TNR: variants seen among roughly 807,000 people sequenced by gnomAD.
TNR encodes the protein tenascin R, also known as tenascin-R.
Under a neutral mutation model 150.4 loss-of-function variants are expected in TNR, and 45 were observed. The observed-to-expected ratio is 0.30, with a 90% confidence interval of 0.24 to 0.38. TNR has a LOEUF of 0.38. Among genes scored for constraint, TNR ranks in the 10% least tolerant of loss-of-function variants. The pLI is 1.00. For synonymous variants in TNR, 687 were observed against 678.4 expected (o/e 1.01, Z -0.20); for missense variants, 1,544 against 1,759.1 (o/e 0.88, Z 2.19).
chr1:175,721,009 A>T (rs879692958), intron 1 of TNR, among the ~76,000 whole-genome samples: 2 of 152,210 alleles, frequency 1.3e-5, no homozygotes, highest in African/African-American at 4.8e-5. Flanking sequence ...GCAGAGCTAC[A>T]GTGAGGGCAT....
intron 2 of TNR, among the ~76,000 whole-genome samples, chr1:175,512,713 T>C (rs1214157786): frequency 6.6e-6 from 1 of 152,090 alleles, no homozygotes; most frequent in Non-Finnish European, 1.5e-5. Flanking sequence ...CAGAAGACAG[T>C]GTAGGTCATC....
intron 1 of TNR, among the ~76,000 whole-genome samples, chr1:175,699,263 G>A (rs924746135): frequency 2.6e-5 from 4 of 152,134 alleles, no homozygotes; most frequent in African/African-American, 9.7e-5. Context: ...GAAAGGGAGA[G>A]GAGTTGTTTG....
At chr1:175,704,562 A>T (rs993575730) in intron 1 of TNR, among the ~76,000 whole-genome samples, 4 of 152,114 alleles carry the variant, frequency 2.6e-5, no homozygotes, top group African/African-American at 7.2e-5. Flanking sequence ...TAATTCCCCC[A>T]CCTCCTCCTT....
intron 1 of TNR, among the ~76,000 whole-genome samples, chr1:175,585,768 C>T (rs1276167536): frequency 2.6e-5 from 4 of 152,168 alleles, no homozygotes; most frequent in African/African-American, 9.7e-5. Context: ...CCTTCCCTTC[C>T]TTCCTTCTCT....
intron 1 of TNR, among the ~76,000 whole-genome samples, chr1:175,666,617 A>G (rs945718750): frequency 6.6e-6 from 1 of 152,254 alleles, no homozygotes; most frequent in African/African-American, 2.4e-5. Context: ...TCCCACTGGC[A>G]GGACGAACGT....
At chr1:175,366,990 G>A (rs1247088241) in intron 10 of TNR, among the ~76,000 whole-genome samples, 2 of 152,190 alleles carry the variant, frequency 1.3e-5, no homozygotes, top group South Asian at 2.1e-4. Flanking sequence ...ACGGGGGACC[G>A]AGCACAGGTC....
intron 1 of TNR, among the ~76,000 whole-genome samples, chr1:175,724,121 T>C (rs1463193298): frequency 6.6e-6 from 1 of 152,190 alleles, no homozygotes; most frequent in Non-Finnish European, 1.5e-5. Flanking sequence ...GATGAGGGTT[T>C]GCGATCAGGA....
At chr1:175,484,857 T>C (rs982935124) in intron 2 of TNR, among the ~76,000 whole-genome samples, 5 of 152,176 alleles carry the variant, frequency 3.3e-5, no homozygotes, top group African/African-American at 9.7e-5. Flanking sequence ...TGTCCTTCGA[T>C]AGAGCTTCAG....
intron 1 of TNR, among the ~76,000 whole-genome samples, chr1:175,569,860 A>G (rs191561868): frequency 1.3e-5 from 2 of 152,200 alleles, no homozygotes; most frequent in Non-Finnish European, 2.9e-5. Context: ...GTCGTTTTCC[A>G]GGTTACCAAG....
intron 1 of TNR, among the ~76,000 whole-genome samples, chr1:175,695,219 C>G (rs917767417): frequency 6.6e-6 from 1 of 152,168 alleles, no homozygotes; most frequent in Admixed American, 6.5e-5. Context: ...AGCCAGCTGC[C>G]ACATCATGAG....
At chr1:175,517,063 G>GAGAGAGAGAGAGAA (rs1557981600) in intron 2 of TNR, among the ~76,000 whole-genome samples, 3 of 146,500 alleles carry the variant, frequency 2.0e-5, no homozygotes, top group African/African-American at 8.1e-5. Context: ...GAGAGAAAGA[G>GAGAGAGAGAGAGAA]AGAGAGACCT....
intron 1 of TNR, among the ~76,000 whole-genome samples, chr1:175,533,000 G>A (rs965947140): frequency 3.9e-5 from 6 of 152,196 alleles, no homozygotes; most frequent in Non-Finnish European, 7.3e-5. Context: ...CTGCAGAAGG[G>A]TATGAATGCC....
intron 22 of TNR, 52 bp downstream of exon 22, chr1:175,324,304 C>A: frequency 3.2e-6 from 5 of 1,573,724 alleles, no homozygotes; most frequent in Non-Finnish European, 4.3e-6. Flanking sequence ...GCTAAGGGAG[C>A]ACGGATTCCA....
intron 1 of TNR, among the ~76,000 whole-genome samples, chr1:175,541,205 A>G (rs1660489246): frequency 6.6e-6 from 1 of 152,070 alleles, no homozygotes; most frequent in East Asian, 1.9e-4. Flanking sequence ...TCGCAATAAC[A>G]TTTTCCAAGT....
At position 175,379,619 on chromosome 1, in the gene TNR, C is replaced by T. The variant is rs763935322; in HGVS notation, c.1896G>A (p.Ala632=). The change falls in exon 9 of 23, where the codon GCG becomes GCA. Residue 632 remains alanine, a synonymous_variant. Coordinates refer to ENST00000367674, the MANE Select transcript of TNR (RefSeq NM_003285.3). ...QEYKVVYSTL[A]GEQYHEVLVP... ...CCAGTACCTCATGATATTGCTCACC[C>T]GCCAGGGTGCTGTACACAACCTTGT... 17 of 1,614,160 alleles carry T rather than the reference C, an allele frequency of 1.1e-5. No individual in the cohort carries two copies. The highest frequency in any genetic ancestry group is 1.7e-5 in the Admixed American group (1 of 60,032).
In TNR at chr1:175,679,985, A is replaced by G. The variant is rs544706654; in HGVS notation, c.-165+63241T>C. The stretch of plus-strand genomic sequence containing the variant: ...CCTCGAGGGAAGACAGAGCTTCCCC[A>G]TGATCATGTAGCCTCCACCTAACTA... On this transcript the variant is annotated intron_variant, in intron 1 of 22. Coordinates refer to ENST00000367674, the MANE Select transcript of TNR (RefSeq NM_003285.3). Among the ~76,000 whole-genome samples the G allele has an allele frequency of 6.6e-5, 10 of 152,258 alleles. No individual in the cohort carries two copies. In the East Asian group the frequency reaches 1.2e-3, roughly 18 times the overall value.
chr1:175,373,390 C>T (rs372587847), intron 9 of TNR, among the ~76,000 whole-genome samples: 2 of 152,292 alleles, frequency 1.3e-5, no homozygotes, highest in African/African-American at 4.8e-5. Context: ...CACCAATCTA[C>T]TTTTTAGTTA....
At chr1:175,598,572 A>G (rs1362836289) in intron 1 of TNR, among the ~76,000 whole-genome samples, 2 of 152,238 alleles carry the variant, frequency 1.3e-5, no homozygotes, top group Non-Finnish European at 2.9e-5. Flanking sequence ...TGCTGTATAA[A>G]CAGAAGGCAT....
intron 1 of TNR, among the ~76,000 whole-genome samples, chr1:175,549,661 C>G (rs1558000695): frequency 6.6e-6 from 1 of 152,106 alleles, no homozygotes; most frequent in Non-Finnish European, 1.5e-5. Flanking sequence ...GAGAGGGAAG[C>G]ATGAAAGAAA....
Sources: gnomAD v4.1 joint callset for allele counts (sites outside exome capture counted in the v4.1 genomes callset) on GRCh38, gnomAD v4.1.1 for gene constraint, MANE v1.5 for transcripts, NCBI Gene and HGNC (gene_info 2026-07-23, HGNC 2026-07-21) for gene names.